Variants in STRN3 observed in about 807,000 individuals in gnomAD.
STRN3 encodes striatin 3.
In STRN3, 29 loss-of-function variants were observed where a neutral mutation model predicts 95.6. The observed-to-expected ratio is 0.30, with a 90% CI of 0.23 to 0.41. The LOEUF is 0.41. Ranked by LOEUF, STRN3 falls within the 10% of genes least tolerant of loss-of-function variation. The probability of loss-of-function intolerance (pLI) is 1.00; values close to 1 mark genes in which losing one functional copy is unlikely to be tolerated. For missense variants in STRN3, 890 were observed against 972.1 expected (o/e 0.92, Z 1.12); for synonymous variants, 331 against 357.6 (o/e 0.93, Z 0.84).
chr14:31,003,598 C>T (rs1011959276), intron 1 of STRN3, among the ~76,000 whole-genome samples: 3 of 152,046 alleles, frequency 2.0e-5, no homozygotes, highest in African/African-American at 7.2e-5. Context: ...AATCTCTGTA[C>T]GCACTGCTTT....
chr14:30,979,119 T>C (rs540825149), intron 1 of STRN3, among the ~76,000 whole-genome samples: 1 of 150,912 alleles, frequency 6.6e-6, no homozygotes, highest in Admixed American at 6.6e-5. Context: ...GTTACTTTCC[T>C]ATGCAATAGT....
chr14:30,923,260 T>C (rs1406176627), intron 8 of STRN3, among the ~76,000 whole-genome samples: 3 of 152,178 alleles, frequency 2.0e-5, no homozygotes, highest in Admixed American at 6.5e-5. Flanking sequence ...CTGTATTTCC[T>C]GGTGACAACA....
intron 5 of STRN3, 126 bp downstream of exon 5, chr14:30,946,964 A>G: frequency 1.6e-6 from 1 of 634,496 alleles, no homozygotes; most frequent in Non-Finnish European, 2.4e-6. Flanking sequence ...GGGCGACAAG[A>G]GCAAGACTCC....
At chr14:30,948,227 T>C (rs1467292779) in intron 4 of STRN3, among the ~76,000 whole-genome samples, 1 of 152,182 alleles carries the variant, frequency 6.6e-6, no homozygotes, top group Non-Finnish European at 1.5e-5. Context: ...ATCAAGTTTA[T>C]ACAGTACCTA....
rs79477795 is a variant in STRN3, at chr14:30,929,965, A to ACAAACAAAC, written c.989-655_989-654insGTTTGTTTG. Among the ~76,000 whole-genome samples, 59 of 143,456 alleles carry ACAAACAAAC rather than the reference A, an allele frequency of 4.1e-4. 3 individuals are homozygous for ACAAACAAAC. The highest frequency in any genetic ancestry group is 1.5e-3 in the African/African-American group (59 of 38,470). The allele number at this position is 143,456 out of a possible 152,430, so 94.1% of individuals were successfully genotyped here. A position where few individuals can be genotyped will look rare whatever the true frequency, so the allele number is the denominator to read the frequency against. ...ACAACTAAGATTAGCAAAAAAAAAA[A>ACAAACAAAC]AAAAAAAAAAAAAACTCAAATTCCA... is the stretch of plus-strand genomic sequence containing the variant. On this transcript the variant is annotated intron_variant, in intron 7 of 17. Transcript: ENST00000357479.
rs142484358 is a variant in STRN3, at chr14:30,902,902, T to C, written c.2030-259A>G. Among the ~76,000 whole-genome samples, 88 of 152,232 alleles carry C rather than the reference T, an allele frequency of 5.8e-4. 1 individual carries two copies. Among genetic ancestry groups the C allele is most frequent in the African/African-American group, 2.1e-3 (86 of 41,548 alleles). On this transcript the variant is annotated intron_variant, in intron 15 of 17. Transcript: ENST00000357479. ...AGTGTTTTAATGCCACCCTTTATTA[T>C]AGGTAGTTTAGAATTTTTAAAAGAT...
At chr14:31,017,887 C>G (rs1319226123) in intron 1 of STRN3, among the ~76,000 whole-genome samples, 1 of 151,796 alleles carries the variant, frequency 6.6e-6, no homozygotes, top group Non-Finnish European at 1.5e-5. Context: ...ACCAGCCTGG[C>G]CAACATGGTG....
At chr14:30,925,223 G>T (rs892125818) in intron 8 of STRN3, among the ~76,000 whole-genome samples, 1 of 151,712 alleles carries the variant, frequency 6.6e-6, no homozygotes, top group Non-Finnish European at 1.5e-5. Context: ...CCTCTTGCTG[G>T]GGGGAGGGGG....
intron 1 of STRN3, among the ~76,000 whole-genome samples, chr14:31,022,232 T>A (rs1455484996): frequency 6.6e-6 from 1 of 151,834 alleles, no homozygotes; most frequent in East Asian, 1.9e-4. Flanking sequence ...ACAAAAAAAT[T>A]AGCTGGGCGT....
intron 1 of STRN3, among the ~76,000 whole-genome samples, chr14:30,970,670 C>CT (rs539299438): frequency 1.3e-3 from 192 of 152,294 alleles, no homozygotes; most frequent in African/African-American, 3.5e-3. Context: ...TTTCCAAAAC[C>CT]TCTCACAAGG....
chr14:31,006,356 C>T (rs1373228840), intron 1 of STRN3, among the ~76,000 whole-genome samples: 2 of 151,850 alleles, frequency 1.3e-5, no homozygotes, highest in African/African-American at 4.8e-5. Flanking sequence ...CAGGGTAGCT[C>T]TTGAGACTGG....
intron 16 of STRN3, among the ~76,000 whole-genome samples, chr14:30,900,091 CTCACACCTATAA>C (rs1896264194): frequency 6.6e-6 from 1 of 152,158 alleles, no homozygotes; most frequent in African/African-American, 2.4e-5. Context: ...GGCGCAGTGG[CTCACACCTATAA>C]TCCCAGCACT....
At chr14:31,018,000 C>T (rs1327229547) in intron 1 of STRN3, among the ~76,000 whole-genome samples, 1 of 151,294 alleles carries the variant, frequency 6.6e-6, no homozygotes, top group African/African-American at 2.4e-5. Flanking sequence ...ATTGCTTGAA[C>T]CTGGGAGGCG....
intron 1 of STRN3, among the ~76,000 whole-genome samples, chr14:30,980,351 C>T (rs916139765): frequency 1.3e-5 from 2 of 152,178 alleles, no homozygotes; most frequent in African/African-American, 4.8e-5. Context: ...TTTGATTCTG[C>T]TGGTAGTGAA....
intron 1 of STRN3, among the ~76,000 whole-genome samples, chr14:30,971,536 T>C (rs557525652): frequency 6.6e-6 from 1 of 152,196 alleles, no homozygotes; most frequent in Non-Finnish European, 1.5e-5. Flanking sequence ...GTTAAAGGAA[T>C]AGCTGAACAA....
Position 31,026,326 on chromosome 14 carries a change from GT to G in STRN3, c.-142del. On this transcript the variant is annotated 5_prime_UTR_variant, in exon 1 of 18. Transcript: ENST00000357479. ...AAGGGGTCGTTGCTGTGTGCCTGCCGTGGGTCAGAGCAGGGAGCTGCCGGCT... is the reference window on the plus strand; with the variant it reads ...AAGGGGTCGTTGCTGTGTGCCTGCCGGGGTCAGAGCAGGGAGCTGCCGGCT... 1 of 900,418 alleles carries G rather than the reference GT, an allele frequency of 1.1e-6. No individual in the cohort carries two copies. The highest frequency in any genetic ancestry group is 1.5e-6 in the Non-Finnish European group (1 of 656,336). The allele number at this position is 900,418 out of a possible 1,614,324, so 55.8% of individuals were successfully genotyped here.
At chr14:30,942,739 A>C (rs1879155208) in intron 5 of STRN3, among the ~76,000 whole-genome samples, 1 of 152,190 alleles carries the variant, frequency 6.6e-6, no homozygotes. Flanking sequence ...CAAGAAATAC[A>C]ATAGTGCCAC....
intron 1 of STRN3, among the ~76,000 whole-genome samples, chr14:31,005,071 C>A (rs745704828): frequency 2.0e-5 from 3 of 152,130 alleles, no homozygotes; most frequent in Non-Finnish European, 4.4e-5. Flanking sequence ...CAGTGGCTCA[C>A]CCCTATAATC....
intron 5 of STRN3, among the ~76,000 whole-genome samples, chr14:30,941,650 G>T (rs746966555): frequency 9.9e-5 from 15 of 152,092 alleles, no homozygotes; most frequent in Non-Finnish European, 1.5e-4. Flanking sequence ...CCCCAAGATG[G>T]AGTTTCCCTT....
Sources: gnomAD v4.1 joint callset for allele counts (sites outside exome capture counted in the v4.1 genomes callset) on GRCh38, gnomAD v4.1.1 for gene constraint, MANE v1.5 for transcripts, NCBI Gene and HGNC (gene_info 2026-07-23, HGNC 2026-07-21) for gene names.